Variants in PSPC1 observed in about 807,000 individuals in gnomAD.
PSPC1 encodes paraspeckle component 1, also known as paraspeckle protein 1.
A neutral mutation model predicts 51.6 loss-of-function variants in PSPC1; 14 were observed. That is an observed-to-expected ratio of 0.27 (90% CI 0.18 to 0.42). The LOEUF is 0.42. PSPC1 is among the 10% of genes least tolerant of loss of function. The pLI is 1.00. For synonymous variants in PSPC1, 193 were observed against 231.9 expected (o/e 0.83, Z 1.53); for missense variants, 406 against 701.1 (o/e 0.58, Z 4.75).
chr13:19,740,066 G>T (rs563783774), intron 5 of PSPC1, among the ~76,000 whole-genome samples: 1 of 152,022 alleles, frequency 6.6e-6, no homozygotes, highest in Admixed American at 6.6e-5. Context: ...AATTGGGGCC[G>T]GGCACGGTGG....
rs1890052483 is a variant in PSPC1, at chr13:19,782,218, C to A, written c.372+168G>T. Among the ~76,000 whole-genome samples the A allele has an allele frequency of 1.3e-5, 2 of 152,222 alleles. No homozygotes were observed. The highest frequency in any genetic ancestry group is 4.8e-5 in the African/African-American group (2 of 41,452). ...ACCGTGAACTCGAAACCAAAGGCGC[C>A]GAGCTGGGGAAGCGGCCAACCCCGC... is the stretch of plus-strand genomic sequence containing the variant. On this transcript the variant is annotated intron_variant, in intron 1 of 8. Coordinates refer to ENST00000338910, the MANE Select transcript of PSPC1 (RefSeq NM_001354909.2). The surrounding 1 kb of genome is among the most constrained non-coding windows in gnomAD (Gnocchi z 4.5).
chr13:19,703,082 A>G lies in PSPC1; in HGVS notation c.*93T>C. ...AAAAACTTTTAAGTCTACATACATT[A>G]ACAATAAAACCATTTCTTCCAGATA... On this transcript the variant is annotated 3_prime_UTR_variant, in exon 9 of 9. Coordinates refer to ENST00000338910, the MANE Select transcript of PSPC1 (RefSeq NM_001354909.2). 9.8e-7 allele frequency: 1 copy of G among 1,019,038 alleles called. No homozygotes were observed. The highest frequency in any genetic ancestry group is 1.9e-5 in the South Asian group (1 of 53,110). 63.1% of individuals were successfully genotyped at this position (1,019,038 alleles called of 1,614,324 possible).
chr13:19,696,306 A>ATGTTAT (rs1879229610), intron 6 of PSPC1, among the ~76,000 whole-genome samples: 2 of 152,140 alleles, frequency 1.3e-5, no homozygotes, highest in African/African-American at 4.8e-5. Context: ...ACACACATCA[A>ATGTTAT]AGTCAATGTT....
In PSPC1 at chr13:19,782,536, G is replaced by A. The variant is rs1215956752; in HGVS notation, c.222C>T (p.Gly74=). The stretch of plus-strand genomic sequence containing the variant: ...GGCAGCGCTGCGTGTACGTCTTCTC[G>A]CCCGGCTTGAGGAAACTCTTGATGT... ...TIDIKSFLKP[G]EKTYTQRCRL... is the part of the protein sequence containing the mutation. Residue 74 remains glycine (G), a synonymous_variant, in exon 1 of 9, where the codon GGC becomes GGT. Coordinates refer to ENST00000338910, the MANE Select transcript of PSPC1 (RefSeq NM_001354909.2). The surrounding 1 kb of genome is among the most constrained non-coding windows in gnomAD (Gnocchi z 4.5). 1 of 1,613,084 alleles carries A rather than the reference G, an allele frequency of 6.2e-7. No individual in the cohort carries two copies. The highest frequency in any genetic ancestry group is 1.1e-5 in the South Asian group (1 of 90,926).
At chr13:19,751,958 T>C (rs1409146857) in intron 3 of PSPC1, among the ~76,000 whole-genome samples, 1 of 152,092 alleles carries the variant, frequency 6.6e-6, no homozygotes, top group African/African-American at 2.4e-5. Flanking sequence ...CTCGGGAGGC[T>C]GAGGCAGGAG....
intron 2 of PSPC1, among the ~76,000 whole-genome samples, chr13:19,761,802 T>C (rs1436642488): frequency 6.6e-6 from 1 of 152,172 alleles, no homozygotes; most frequent in Non-Finnish European, 1.5e-5. Context: ...CTGGAAGCTA[T>C]GGCAGGGCCA....
intron 6 of PSPC1, among the ~76,000 whole-genome samples, chr13:19,715,712 A>G (rs1430460274): frequency 1.3e-5 from 2 of 152,104 alleles, no homozygotes; most frequent in African/African-American, 4.8e-5. Context: ...TGTGTCACAC[A>G]GTGAGACACT....
chr13:19,737,128 C>T (rs1279897765), intron 5 of PSPC1: 1 of 152,154 alleles, frequency 6.6e-6, no homozygotes, highest in African/African-American at 2.4e-5. Context: ...CCCCTGCTCC[C>T]AGAAGGTCAC....
chr13:19,680,761 C>T (rs2137586121), intron 6 of PSPC1, among the ~76,000 whole-genome samples: 1 of 152,292 alleles, frequency 6.6e-6, no homozygotes, highest in South Asian at 2.1e-4. Context: ...ACTACCCACA[C>T]ATTAACGGGG....
chr13:19,722,403 G>C (rs1481304926), intron 6 of PSPC1, among the ~76,000 whole-genome samples: 1 of 152,134 alleles, frequency 6.6e-6, no homozygotes, highest in African/African-American at 2.4e-5. Context: ...GGGAGGCTGA[G>C]GCAGGAGGAT....
chr13:19,722,663 G>A (rs1301043444), intron 6 of PSPC1, among the ~76,000 whole-genome samples: 2 of 151,706 alleles, frequency 1.3e-5, no homozygotes, highest in Non-Finnish European at 2.9e-5. Flanking sequence ...GCATGGTGGC[G>A]GGTGCCTGTC....
intron 4 of PSPC1, 50 bp downstream of exon 4, chr13:19,751,221 T>A (rs1428842857): frequency 1.4e-6 from 2 of 1,468,816 alleles, no homozygotes; most frequent in African/African-American, 2.8e-5. Flanking sequence ...GTACACACAC[T>A]TAAGGGAAAA....
In PSPC1 at chr13:19,761,275, G is replaced by C. The variant is rs138212580; in HGVS notation, c.675-1857C>G. Among the ~76,000 whole-genome samples, 737 of 152,266 alleles carry C rather than the reference G, an allele frequency of 4.8e-3. 3 individuals are homozygous for C. Among genetic ancestry groups the C allele is most frequent in the Non-Finnish European group, 7.9e-3 (539 of 68,016 alleles). ...GAGTGGGTAATGAAAGATATGACTA[G>C]AGGCCCTCCTTCTTTACTGTTTTCT... On this transcript the variant is annotated intron_variant, in intron 2 of 8. Coordinates refer to ENST00000338910, the MANE Select transcript of PSPC1 (RefSeq NM_001354909.2).
At chr13:19,674,216 G>A (rs1876360762), downstream of PSPC1, among the ~76,000 whole-genome samples, 1 of 152,168 alleles carries the variant, frequency 6.6e-6, no homozygotes, top group African/African-American at 2.4e-5. Context: ...GACTGTAATG[G>A]CTGTAGCAGA....
intron 6 of PSPC1, among the ~76,000 whole-genome samples, chr13:19,729,357 T>C (rs1382581409): frequency 1.3e-5 from 2 of 151,886 alleles, no homozygotes; most frequent in Non-Finnish European, 2.9e-5. Context: ...GCCAATATAG[T>C]GAAACCCCGT....
At chr13:19,751,216 C>CTTAAGTAGT in intron 4 of PSPC1, 55 bp downstream of exon 4, 1 of 1,425,856 alleles carries the variant, frequency 7.0e-7, no homozygotes, top group South Asian at 1.6e-5. Flanking sequence ...GAATGGTACA[C>CTTAAGTAGT]ACACTTAAGG....
At chr13:19,684,205 T>A (rs931274954) in intron 6 of PSPC1, among the ~76,000 whole-genome samples, 7 of 152,196 alleles carry the variant, frequency 4.6e-5, no homozygotes, top group African/African-American at 1.4e-4. Context: ...TGTGATCACA[T>A]GAATTTCTCA....
At chr13:19,723,848 C>T (rs551025088) in intron 6 of PSPC1, among the ~76,000 whole-genome samples, 96 of 152,268 alleles carry the variant, frequency 6.3e-4, no homozygotes, top group Middle Eastern at 3.4e-3. Context: ...ACATTAACAA[C>T]CGAAACTAGT....
intron 5 of PSPC1, among the ~76,000 whole-genome samples, chr13:19,738,176 G>A (rs549191587): frequency 1.3e-5 from 2 of 152,236 alleles, no homozygotes; most frequent in South Asian, 4.2e-4. Context: ...ATTTCTGCAT[G>A]TATTTGTCAA....
Sources: allele counts gnomAD v4.1 joint callset (sites outside exome capture counted in the v4.1 genomes callset), GRCh38; gene constraint gnomAD v4.1.1; non-coding constraint Gnocchi (gnomAD v3.1); transcripts MANE v1.5; gene names NCBI Gene and HGNC (gene_info 2026-07-23, HGNC 2026-07-21).